Variants in SLC9C2 observed in about 807,000 individuals in gnomAD.
The protein encoded by SLC9C2 is sodium/hydrogen exchanger 11.
Under a neutral mutation model 140.2 loss-of-function variants are expected in SLC9C2, and 75 were observed. The observed-to-expected ratio is 0.53, with a 90% CI of 0.44 to 0.65. SLC9C2 has a LOEUF of 0.65. Among genes scored for constraint, SLC9C2 ranks in the 30% least tolerant of loss-of-function variants. The probability of loss-of-function intolerance (pLI) is 0.00; values close to 1 mark genes in which losing one functional copy is unlikely to be tolerated. For missense variants in SLC9C2, 1,074 were observed against 1,331.8 expected, an observed-to-expected ratio of 0.81 and a Z score of 3.01; for synonymous variants, 375 against 420.9, an observed-to-expected ratio of 0.89 and a Z score of 1.34.
In SLC9C2 at chr1:173,547,756, T is replaced by G. The variant is rs1662958882; in HGVS notation, c.1490A>C (p.Lys497Thr). 6.2e-7 allele frequency: 1 copy of G among 1,612,120 alleles called. No homozygotes were observed. Among genetic ancestry groups the G allele is most frequent in the South Asian group, 1.1e-5 (1 of 90,920 alleles). Reference protein sequence around the residue: ...PFSHVSHNDMKTESTTDEALM... With the variant: ...PFSHVSHNDMTTESTTDEALM... ...AGCTTCATCTGTTGTGGATTCTGTC[T>G]TCATATCATTATGTGAAACGTGGGA... The change falls in exon 13 of 28, where the codon AAG becomes ACG. Residue 497 changes from lysine to threonine, a missense_variant. Physicochemically the swap from Lys to Thr is moderately conservative, Grantham distance 78. Transcript: ENST00000367714.
At chr1:173,576,474 G>T (rs1410541569) in intron 8 of SLC9C2, among the ~76,000 whole-genome samples, 187 bp downstream of exon 8, 1 of 152,148 alleles carries the variant, frequency 6.6e-6, no homozygotes, top group Non-Finnish European at 1.5e-5. Context: ...TTCATAACAG[G>T]AGTATCAATT....
chr1:173,524,647 A>G, intron 20 of SLC9C2, 132 bp downstream of exon 20: 3 of 954,402 alleles, frequency 3.1e-6, no homozygotes, highest in Non-Finnish European at 4.7e-6. Context: ...CCTTTGCATT[A>G]TCAAAGGCTG....
rs535265163 is a variant in SLC9C2, at chr1:173,557,542, C to G, written c.1047-34G>C. 3.8e-6 allele frequency: 6 copies of G among 1,569,560 alleles called. No individual in the cohort carries two copies. In the South Asian group the frequency reaches 4.7e-5, roughly 12 times the overall value. ...AGGGAAACATTAAAAATAAATCTCA[C>G]CTTGTTTATTAATGTTATTCATAGT... On this transcript the variant is annotated intron_variant, in intron 9 of 27. Transcript: ENST00000367714.
intron 8 of SLC9C2, among the ~76,000 whole-genome samples, chr1:173,575,640 G>A (rs1665127619): frequency 6.6e-6 from 1 of 151,994 alleles, no homozygotes; most frequent in Admixed American, 6.5e-5. Context: ...GCAGTGGTGC[G>A]AACTCGGCTC....
chr1:173,573,351 A>AT, intron 8 of SLC9C2, 26 bp from the exon 9 acceptor site: 1 of 1,376,364 alleles, frequency 7.3e-7, no homozygotes, highest in Non-Finnish European at 1.0e-6. Flanking sequence ...TAGAAATGAC[A>AT]TTTTAAGCAA....
chr1:173,507,111 T>C, intron 24 of SLC9C2, 70 bp from the exon 25 acceptor site: 1 of 1,198,468 alleles, frequency 8.3e-7, no homozygotes, highest in Non-Finnish European at 1.2e-6. Context: ...GAAAACAGAT[T>C]TACTGATCTA....
intron 24 of SLC9C2, 56 bp downstream of exon 24, chr1:173,509,512 T>TA: frequency 1.4e-6 from 2 of 1,414,316 alleles, no homozygotes; most frequent in Non-Finnish European, 9.4e-7. Flanking sequence ...ATGCATTTTG[T>TA]AAAAAATACA....
chr1:173,597,360 T>TA (rs1417861475), intron 4 of SLC9C2, among the ~76,000 whole-genome samples: 1 of 151,756 alleles, frequency 6.6e-6, no homozygotes, highest in Non-Finnish European at 1.5e-5. Flanking sequence ...AAAGAAAATT[T>TA]AAAACCTTAA....
intron 8 of SLC9C2, 102 bp downstream of exon 8, chr1:173,576,559 G>A: frequency 1.5e-6 from 1 of 647,854 alleles, no homozygotes; most frequent in Non-Finnish European, 2.6e-6. Context: ...TCAAGATAAA[G>A]AAAGGTTATG....
chr1:173,564,447 T>A (rs2102139920), intron 9 of SLC9C2, among the ~76,000 whole-genome samples: 1 of 152,306 alleles, frequency 6.6e-6, no homozygotes, highest in African/African-American at 2.4e-5. Flanking sequence ...ATTTCCCTGA[T>A]GATCAATGAC....
rs543677840 is a variant in SLC9C2, at chr1:173,603,042, C to G, written c.-371G>C. On this transcript the variant is annotated 5_prime_UTR_variant, in exon 1 of 28. Transcript: ENST00000367714. ...TCCCAAAGAACAATGCACAGTTATG[C>G]GTCTGTTTGCCAGGGACAGTACTAC... is the stretch of plus-strand genomic sequence containing the variant. 6 of 152,302 alleles carry G rather than the reference C, an allele frequency of 3.9e-5. No homozygotes were observed. The highest frequency in any genetic ancestry group is 1.4e-4 in the African/African-American group (6 of 41,564). The allele number at this position is 152,302 out of a possible 1,614,324, so 9.4% of individuals were successfully genotyped here.
intron 11 of SLC9C2, 48 bp from the exon 12 acceptor site, chr1:173,548,600 T>C (rs1264067295): frequency 2.5e-6 from 4 of 1,603,776 alleles, no homozygotes; most frequent in African/African-American, 2.7e-5. Context: ...CAGTGAGGAC[T>C]GCAAGGGAAA....
chr1:173,557,026 A>G (rs1201891042), intron 10 of SLC9C2, among the ~76,000 whole-genome samples: 1 of 152,132 alleles, frequency 6.6e-6, no homozygotes, highest in African/African-American at 2.4e-5. Context: ...ATTGAGCATC[A>G]TCTCAATTCT....
At chr1:173,533,120 C>G (rs928973715) in intron 17 of SLC9C2, among the ~76,000 whole-genome samples, 3 of 151,916 alleles carry the variant, frequency 2.0e-5, no homozygotes, top group Non-Finnish European at 4.4e-5. Flanking sequence ...TTGAAGGTGA[C>G]GAGAAAGGGA....
chr1:173,602,442 G>A (rs1666843478), intron 1 of SLC9C2, among the ~76,000 whole-genome samples: 1 of 152,150 alleles, frequency 6.6e-6, no homozygotes. Context: ...GGATAAGGGT[G>A]AATAACCTGA....
At chr1:173,549,738 G>T (rs1663119706) in intron 11 of SLC9C2, among the ~76,000 whole-genome samples, 1 of 152,122 alleles carries the variant, frequency 6.6e-6, no homozygotes, top group Non-Finnish European at 1.5e-5. Flanking sequence ...ACTCTGAAAA[G>T]ATAAAGTACT....
chr1:173,580,194 G>A (rs187759560), intron 7 of SLC9C2, among the ~76,000 whole-genome samples: 3 of 152,038 alleles, frequency 2.0e-5, no homozygotes, highest in Admixed American at 6.5e-5. Context: ...GGCCAATTTC[G>A]AGCTCTCAAC....
At chr1:173,569,700 TTCTTTCTTCTCAA>T (rs1664720005) in intron 9 of SLC9C2, among the ~76,000 whole-genome samples, 2 of 152,112 alleles carry the variant, frequency 1.3e-5, no homozygotes, top group Non-Finnish European at 2.9e-5. Context: ...AGCTGACTAA[TTCTTTCTTCTCAA>T]GCAATTCAGG....
chr1:173,515,269 A>T (rs539540634), intron 23 of SLC9C2, among the ~76,000 whole-genome samples: 2 of 152,058 alleles, frequency 1.3e-5, no homozygotes, highest in African/African-American at 4.8e-5. Flanking sequence ...ACTTGGTTTC[A>T]TTCTCCCTGC....
Sources: gnomAD v4.1 joint callset for allele counts (sites outside exome capture counted in the v4.1 genomes callset) on GRCh38, gnomAD v4.1.1 for gene constraint, MANE v1.5 for transcripts, NCBI Gene and HGNC (gene_info 2026-07-23, HGNC 2026-07-21) for gene names.